ITGA8: variants seen among roughly 807,000 people sequenced by gnomAD.
ITGA8 encodes integrin alpha-8.
In ITGA8, 91 loss-of-function variants were observed where a neutral mutation model predicts 142.3. The ratio of observed to expected loss-of-function variants is 0.64; its 90% CI spans 0.54 to 0.76. ITGA8 has a LOEUF of 0.76. Among genes scored for constraint, ITGA8 ranks in the 30% least tolerant of loss-of-function variants. ITGA8 has a pLI of 0.00. For missense variants in ITGA8, 1,406 were observed against 1,327.7 expected (o/e 1.06, Z -0.92); for synonymous variants, 505 against 485.2 (o/e 1.04, Z -0.54).
intron 8 of ITGA8, among the ~76,000 whole-genome samples, chr10:15,664,796 T>G (rs974863933): frequency 3.3e-5 from 5 of 152,004 alleles, no homozygotes; most frequent in Non-Finnish European, 5.9e-5. Flanking sequence ...GATAGTTTGC[T>G]GAGAATGATG....
chr10:15,684,037 T>G lies in ITGA8; in HGVS notation c.535A>C (p.Ser179Arg), dbSNP rs1283929051. Reference protein sequence around the residue: ...GTCYVAIQNFSAYAEFSPCRN... With the variant: ...GTCYVAIQNFRAYAEFSPCRN... Reference sequence around the variant, plus strand: ...CAAGGAGAGAACTCGGCATAGGCGCTGAAGTTCTGAATTGCTACATAGCAG... The same window carrying G: ...CAAGGAGAGAACTCGGCATAGGCGCGGAAGTTCTGAATTGCTACATAGCAG... The change falls in exon 4 of 30, where the codon AGC becomes CGC. Residue 179 changes from serine to arginine, a missense_variant. Transcript: ENST00000378076. 1 of 1,614,180 alleles carries G rather than the reference T, an allele frequency of 6.2e-7. No homozygotes were observed. Among genetic ancestry groups the G allele is most frequent in the South Asian group, 1.1e-5 (1 of 91,086 alleles).
chr10:15,704,524 G>A (rs774141234), intron 2 of ITGA8, among the ~76,000 whole-genome samples: 29 of 151,982 alleles, frequency 1.9e-4, no homozygotes, highest in Admixed American at 5.9e-4. Context: ...AGCTTTCTTC[G>A]TACTTGAATC....
chr10:15,687,857 C>G (rs1430783704), intron 3 of ITGA8, 81 bp downstream of exon 3: 2 of 853,712 alleles, frequency 2.3e-6, no homozygotes, highest in Non-Finnish European at 4.0e-6. Context: ...TAGGAAAGAG[C>G]TTTCCTAAAC....
chr10:15,688,226 G>A (rs1043943409), intron 2 of ITGA8, among the ~76,000 whole-genome samples, 188 bp from the exon 3 acceptor site: 2 of 151,316 alleles, frequency 1.3e-5, no homozygotes, highest in Admixed American at 6.6e-5. Context: ...AAGCTGAAGC[G>A]GGACGATCAC....
At chr10:15,695,263 T>G (rs1209614618) in intron 2 of ITGA8, among the ~76,000 whole-genome samples, 1 of 152,144 alleles carries the variant, frequency 6.6e-6, no homozygotes, top group African/African-American at 2.4e-5. Context: ...CTGTCCCAGG[T>G]CTCTATGTAC....
intron 2 of ITGA8, among the ~76,000 whole-genome samples, chr10:15,715,793 G>A (rs1835439397): frequency 6.6e-6 from 1 of 152,242 alleles, no homozygotes; most frequent in Non-Finnish European, 1.5e-5. Flanking sequence ...ACTGGCATCT[G>A]CTGTGCCTTC....
intron 20 of ITGA8, among the ~76,000 whole-genome samples, chr10:15,598,465 A>G (rs977419310): frequency 1.3e-5 from 2 of 152,210 alleles, no homozygotes; most frequent in African/African-American, 4.8e-5. Flanking sequence ...CGAAAACCCA[A>G]GCAAAAAACA....
intron 28 of ITGA8, among the ~76,000 whole-genome samples, chr10:15,523,475 G>A (rs1300277935): frequency 6.6e-6 from 1 of 152,208 alleles, no homozygotes; most frequent in Non-Finnish European, 1.5e-5. Context: ...CCTGACAGCA[G>A]CGTCTTTAAA....
At chr10:15,556,018 CTTTTTTTTTTTTT>C (rs869241754) in intron 26 of ITGA8, among the ~76,000 whole-genome samples, 2 of 53,630 alleles carry the variant, frequency 3.7e-5, no homozygotes, top group African/African-American at 1.7e-4. Flanking sequence ...CTCTCTCTCT[CTTTTTTTTTTTTT>C]TTTTTTTTTT....
chr10:15,626,515 G>T (rs1049284484), intron 13 of ITGA8, among the ~76,000 whole-genome samples: 1 of 152,030 alleles, frequency 6.6e-6, no homozygotes, highest in African/African-American at 2.4e-5. Context: ...CACTGCACCC[G>T]GCCTCCTTTC....
intron 23 of ITGA8, among the ~76,000 whole-genome samples, chr10:15,575,981 G>GTA (rs796447335): frequency 3.3e-5 from 5 of 151,862 alleles, no homozygotes; most frequent in South Asian, 2.1e-4. Context: ...GTGTGTGTGT[G>GTA]TATGGGTTAT....
intron 27 of ITGA8, among the ~76,000 whole-genome samples, chr10:15,534,265 A>G (rs772372303): frequency 2.6e-5 from 4 of 152,166 alleles, no homozygotes; most frequent in Non-Finnish European, 5.9e-5. Flanking sequence ...GACATATCTG[A>G]GATCAGTCTC....
chr10:15,685,509 G>A (rs1834818652), intron 3 of ITGA8, among the ~76,000 whole-genome samples: 4 of 152,152 alleles, frequency 2.6e-5, no homozygotes, highest in Admixed American at 6.5e-5. Flanking sequence ...TGAATTAAAT[G>A]CATGCCTATC....
chr10:15,689,209 G>T (rs556035627), intron 2 of ITGA8, among the ~76,000 whole-genome samples: 6 of 152,326 alleles, frequency 3.9e-5, no homozygotes, highest in Admixed American at 1.3e-4. Context: ...ACTTAGGACA[G>T]ATGGCATCAG....
intron 13 of ITGA8, among the ~76,000 whole-genome samples, chr10:15,634,762 A>T (rs1055712515): frequency 1.3e-5 from 2 of 152,198 alleles, no homozygotes; most frequent in Non-Finnish European, 2.9e-5. Flanking sequence ...GAATCATGGG[A>T]CTAGAAATAA....
At chr10:15,572,948 A>G (rs1366628511) in intron 24 of ITGA8, among the ~76,000 whole-genome samples, 1 of 152,244 alleles carries the variant, frequency 6.6e-6, no homozygotes, top group Admixed American at 6.5e-5. Flanking sequence ...TCTCATAAAG[A>G]GATGAACATT....
At chr10:15,711,649 C>T (rs1835365857) in intron 2 of ITGA8, among the ~76,000 whole-genome samples, 1 of 151,730 alleles carries the variant, frequency 6.6e-6, no homozygotes, top group Non-Finnish European at 1.5e-5. Flanking sequence ...GTTCCATCAA[C>T]CTCCCCCCCA....
In ITGA8 at chr10:15,619,980, T is replaced by C. The variant is rs188067927; in HGVS notation, c.1400-3421A>G. Among the ~76,000 whole-genome samples, 73 of 152,380 alleles carry C rather than the reference T, an allele frequency of 4.8e-4. No homozygotes were observed. The South Asian group carries it at 7.7e-3, about 16-fold the overall frequency. ...ATAAATAACAGGCGAATTTTAAGAA[T>C]TGATTCTCTGGAAATGGCAAAGAAA... On this transcript the variant is annotated intron_variant, in intron 13 of 29. Transcript: ENST00000378076.
At chr10:15,618,615 C>T (rs2131621325) in intron 13 of ITGA8, among the ~76,000 whole-genome samples, 1 of 152,280 alleles carries the variant, frequency 6.6e-6, no homozygotes, top group African/African-American at 2.4e-5. Context: ...CACCCTGAAT[C>T]TGGTGGGCAC....
Sources: allele counts gnomAD v4.1 joint callset (sites outside exome capture counted in the v4.1 genomes callset), GRCh38; gene constraint gnomAD v4.1.1; transcripts MANE v1.5; gene names NCBI Gene and HGNC (gene_info 2026-07-23, HGNC 2026-07-21).